TMEM132D: variants seen among roughly 807,000 people sequenced by gnomAD.
The protein encoded by TMEM132D is mature OL transmembrane protein.
A neutral mutation model predicts 62.3 loss-of-function variants in TMEM132D; 21 were observed. The observed-to-expected ratio is 0.34, with a 90% CI of 0.24 to 0.49. The LOEUF (loss-of-function observed/expected upper bound fraction) is 0.49, where lower values mean the gene tolerates loss of function less well. Ranked by LOEUF, TMEM132D falls within the 20% of genes least tolerant of loss-of-function variation. The pLI is 0.99. For synonymous variants in TMEM132D, 621 were observed against 575.6 expected, an observed-to-expected ratio of 1.08 and a Z score of -1.13; for missense variants, 1,346 against 1,402.8, an observed-to-expected ratio of 0.96 and a Z score of 0.65.
intron 1 of TMEM132D, among the ~76,000 whole-genome samples, chr12:129,739,105 C>T (rs1318178003): frequency 2.6e-5 from 4 of 152,180 alleles, no homozygotes; most frequent in East Asian, 1.9e-4. Flanking sequence ...GAAAAAGGAA[C>T]AGGACTGGCC....
chr12:129,740,798 G>A (rs1186901448), intron 1 of TMEM132D, among the ~76,000 whole-genome samples: 1 of 152,126 alleles, frequency 6.6e-6, no homozygotes, highest in Non-Finnish European at 1.5e-5. Flanking sequence ...GTAATTCTAT[G>A]ATAAGATGAT....
At chr12:129,851,126 A>G (rs1355540791) in intron 1 of TMEM132D, among the ~76,000 whole-genome samples, 1 of 152,206 alleles carries the variant, frequency 6.6e-6, no homozygotes, top group Non-Finnish European at 1.5e-5. Flanking sequence ...CTCTCCAAAT[A>G]TCTAGCACAG....
chr12:129,578,936 T>G (rs545115204), intron 2 of TMEM132D, among the ~76,000 whole-genome samples: 1 of 152,280 alleles, frequency 6.6e-6, no homozygotes, highest in African/African-American at 2.4e-5. Flanking sequence ...CAGACACACC[T>G]AGAAATAATA....
intron 1 of TMEM132D, among the ~76,000 whole-genome samples, chr12:129,715,761 G>A (rs1180430577): frequency 6.6e-6 from 1 of 152,210 alleles, no homozygotes; most frequent in Non-Finnish European, 1.5e-5. Flanking sequence ...TGAGATTCAT[G>A]ATTTTACCTT....
At chr12:129,524,911 T>C (rs1440835027) in intron 3 of TMEM132D, among the ~76,000 whole-genome samples, 1 of 134,136 alleles carries the variant, frequency 7.5e-6, no homozygotes, top group Non-Finnish European at 1.5e-5. Flanking sequence ...ATTATTTTCA[T>C]ATTTTTTTCT....
At chr12:129,628,457 G>A (rs1026624194) in intron 2 of TMEM132D, among the ~76,000 whole-genome samples, 1 of 152,172 alleles carries the variant, frequency 6.6e-6, no homozygotes, top group Non-Finnish European at 1.5e-5. Context: ...GGACGTGTCT[G>A]TACCCTGCTG....
At chr12:129,546,267 A>C (rs1367938903) in intron 2 of TMEM132D, among the ~76,000 whole-genome samples, 2 of 152,200 alleles carry the variant, frequency 1.3e-5, no homozygotes, top group Non-Finnish European at 2.9e-5. Context: ...AAAAAGCTTC[A>C]AACATCCACT....
chr12:129,878,386 T>G (rs1874495698), intron 1 of TMEM132D, among the ~76,000 whole-genome samples: 1 of 152,198 alleles, frequency 6.6e-6, no homozygotes. Flanking sequence ...CCACCTTCAC[T>G]TTCTCTGTCC....
chr12:129,830,694 G>A (rs979524892), intron 1 of TMEM132D, among the ~76,000 whole-genome samples: 13 of 152,126 alleles, frequency 8.5e-5, no homozygotes, highest in Middle Eastern at 3.4e-3. Context: ...ACAGGCACTC[G>A]TCCTTAACTT....
intron 1 of TMEM132D, among the ~76,000 whole-genome samples, chr12:129,784,657 C>A (rs955494957): frequency 2.0e-5 from 3 of 152,170 alleles, no homozygotes; most frequent in Non-Finnish European, 2.9e-5. Context: ...TATTTGAAGT[C>A]TGTTCGGTTG....
At chr12:129,679,419 G>T (rs1000736516) in intron 2 of TMEM132D, among the ~76,000 whole-genome samples, 1 of 151,880 alleles carries the variant, frequency 6.6e-6, no homozygotes, top group Non-Finnish European at 1.5e-5. Context: ...CAAAATCAAA[G>T]AAATAAAAAA....
intron 3 of TMEM132D, among the ~76,000 whole-genome samples, chr12:129,514,267 T>C (rs1266579494): frequency 6.6e-6 from 1 of 152,214 alleles, no homozygotes; most frequent in Non-Finnish European, 1.5e-5. Context: ...ACCACCAGCA[T>C]CTCCATTACA....
chr12:129,615,790 C>T (rs994628894), intron 2 of TMEM132D, among the ~76,000 whole-genome samples: 1 of 138,300 alleles, frequency 7.2e-6, no homozygotes, highest in African/African-American at 2.7e-5. Flanking sequence ...CAAAACAAAA[C>T]AAAACAAAAT....
At chr12:129,723,995 A>C (rs1367814078) in intron 1 of TMEM132D, among the ~76,000 whole-genome samples, 1 of 152,202 alleles carries the variant, frequency 6.6e-6, no homozygotes, top group African/African-American at 2.4e-5. Flanking sequence ...TGATTATGTC[A>C]AGACGGGGGA....
At chr12:129,166,219 C>T (rs1423815192) in intron 5 of TMEM132D, among the ~76,000 whole-genome samples, 2 of 152,120 alleles carry the variant, frequency 1.3e-5, no homozygotes, top group Non-Finnish European at 2.9e-5. Flanking sequence ...ATGGATGCAC[C>T]CGATGGGACC....
chr12:129,645,665 G>C (rs1422312292), intron 2 of TMEM132D, among the ~76,000 whole-genome samples: 2 of 152,064 alleles, frequency 1.3e-5, no homozygotes, highest in African/African-American at 4.8e-5. Context: ...GTTGAGATAG[G>C]GGTTTAGCAA....
intron 2 of TMEM132D, among the ~76,000 whole-genome samples, chr12:129,606,648 A>G (rs539889309): frequency 6.6e-6 from 1 of 152,304 alleles, no homozygotes; most frequent in East Asian, 1.9e-4. Flanking sequence ...ACTTAGAAGC[A>G]ACTTTTGGGA....
At chr12:129,148,314 G>T (rs1270731416) in intron 5 of TMEM132D, among the ~76,000 whole-genome samples, 1 of 152,180 alleles carries the variant, frequency 6.6e-6, no homozygotes, top group African/African-American at 2.4e-5. Flanking sequence ...CGGTAAATAT[G>T]TCACCTTACA....
At chr12:129,283,334 G>T (rs758847842) in intron 4 of TMEM132D, among the ~76,000 whole-genome samples, 1 of 152,114 alleles carries the variant, frequency 6.6e-6, no homozygotes, top group Non-Finnish European at 1.5e-5. Flanking sequence ...TGGGATTACA[G>T]GTGCATGCCA....
Sources: allele counts gnomAD v4.1 joint callset (sites outside exome capture counted in the v4.1 genomes callset), GRCh38; gene constraint gnomAD v4.1.1; transcripts MANE v1.5; gene names NCBI Gene and HGNC (gene_info 2026-07-23, HGNC 2026-07-21).